SVIL: variants seen among roughly 807,000 people sequenced by gnomAD.
The protein encoded by SVIL is archvillin.
SVIL carries 101 observed loss-of-function variants against 240.4 expected under a neutral mutation model. The ratio of observed to expected loss-of-function variants is 0.42; its 90% confidence interval spans 0.36 to 0.50. SVIL has a LOEUF of 0.50. Among genes scored for constraint, SVIL ranks in the 20% least tolerant of loss-of-function variants. The probability of loss-of-function intolerance (pLI) is 0.01; values close to 1 mark genes in which losing one functional copy is unlikely to be tolerated. For synonymous variants in SVIL, 999 were observed against 1,100.0 expected, an observed-to-expected ratio of 0.91 and a Z score of 1.82; for missense variants, 2,512 against 2,818.7, an observed-to-expected ratio of 0.89 and a Z score of 2.46.
At chr10:29,464,077 C>A (rs866071539) in intron 34 of SVIL, among the ~76,000 whole-genome samples, 41 of 152,204 alleles carry the variant, frequency 2.7e-4, no homozygotes, top group African/African-American at 8.4e-4. Flanking sequence ...GGCGTTCCTG[C>A]CCTGCACGCG....
chr10:29,681,232 T>C (rs1206698767), intron 2 of SVIL, among the ~76,000 whole-genome samples: 1 of 151,790 alleles, frequency 6.6e-6, no homozygotes, highest in African/African-American at 2.4e-5. Flanking sequence ...CCAAAGAGGA[T>C]GGGCAGAAAA....
intron 2 of SVIL, among the ~76,000 whole-genome samples, chr10:29,676,393 T>C (rs1046416399): frequency 1.2e-4 from 18 of 152,066 alleles, no homozygotes; most frequent in African/African-American, 1.4e-4. Context: ...TGTGTGTGTG[T>C]GCGCACACGC....
At chr10:29,603,619 A>G (rs1956897934) in intron 1 of SVIL, among the ~76,000 whole-genome samples, 1 of 152,248 alleles carries the variant, frequency 6.6e-6, no homozygotes, top group South Asian at 2.1e-4. Context: ...AGCTGGCTGG[A>G]TCATGAGGAA....
chr10:29,572,216 T>C (rs1452132140), intron 1 of SVIL, among the ~76,000 whole-genome samples: 2 of 152,196 alleles, frequency 1.3e-5, no homozygotes, highest in Admixed American at 1.3e-4. Flanking sequence ...ACATCAACCC[T>C]GGGTACTAGA....
intron 1 of SVIL, among the ~76,000 whole-genome samples, chr10:29,585,301 A>C (rs1269101263): frequency 6.6e-6 from 1 of 151,868 alleles, no homozygotes; most frequent in Non-Finnish European, 1.5e-5. Flanking sequence ...GGCTCAAGTG[A>C]TCTACCTGCC....
At chr10:29,679,579 G>T (rs1445135843) in intron 2 of SVIL, among the ~76,000 whole-genome samples, 1 of 143,244 alleles carries the variant, frequency 7.0e-6, no homozygotes. Flanking sequence ...TTTGAGATGG[G>T]GGTCCCACTC....
At chr10:29,714,202 T>A (rs1051251826) in intron 1 of SVIL, among the ~76,000 whole-genome samples, 2 of 152,226 alleles carry the variant, frequency 1.3e-5, no homozygotes, top group African/African-American at 4.8e-5. Flanking sequence ...GGGCCATTCC[T>A]TCATTTAGAT....
At chr10:29,732,076 G>A (rs192533996) in intron 1 of SVIL, among the ~76,000 whole-genome samples, 1 of 152,346 alleles carries the variant, frequency 6.6e-6, no homozygotes, top group East Asian at 1.9e-4. Context: ...ATGCACAAAA[G>A]CAGGGATCTT....
At chr10:29,590,318 C>T (rs1262484027) in intron 1 of SVIL, among the ~76,000 whole-genome samples, 1 of 151,978 alleles carries the variant, frequency 6.6e-6, no homozygotes, top group African/African-American at 2.4e-5. Context: ...GTTCCCAGCA[C>T]AAAAGAGCTA....
chr10:29,629,445 C>T (rs1018377288), intron 1 of SVIL, among the ~76,000 whole-genome samples: 2 of 152,136 alleles, frequency 1.3e-5, no homozygotes, highest in African/African-American at 4.8e-5. Context: ...AAGTCCAGTG[C>T]AGACCTACTG....
chr10:29,551,749 A>T (rs538716596), intron 5 of SVIL, among the ~76,000 whole-genome samples: 1 of 150,860 alleles, frequency 6.6e-6, no homozygotes, highest in South Asian at 2.1e-4. Flanking sequence ...ATCATTATTC[A>T]CCAGGCTTTT....
intron 3 of SVIL, among the ~76,000 whole-genome samples, chr10:29,650,130 C>T (rs1026792287): frequency 2.6e-5 from 4 of 152,138 alleles, no homozygotes; most frequent in African/African-American, 9.7e-5. Flanking sequence ...TATGGCAGCA[C>T]GAAGTGGACT....
At chr10:29,622,209 C>T (rs1031388166) in intron 1 of SVIL, among the ~76,000 whole-genome samples, 1 of 136,904 alleles carries the variant, frequency 7.3e-6, no homozygotes, top group African/African-American at 2.8e-5. Context: ...GAGATCGCGC[C>T]ACTGCACTCC....
At chr10:29,686,645 C>A (rs1171585449) in exon 2 of SVIL, 1 of 152,088 alleles carries the variant, frequency 6.6e-6, no homozygotes, top group Non-Finnish European at 1.5e-5. Flanking sequence ...TCCAATGTAG[C>A]CAGAATCTGG....
At chr10:29,698,570 A>G (rs575135078) in intron 1 of SVIL, among the ~76,000 whole-genome samples, 1 of 150,378 alleles carries the variant, frequency 6.6e-6, no homozygotes, top group Non-Finnish European at 1.5e-5. Flanking sequence ...GTTTCAGTGT[A>G]CTGGAAACTT....
chr10:29,493,910 T>C (rs1456079924), intron 20 of SVIL, among the ~76,000 whole-genome samples: 1 of 152,144 alleles, frequency 6.6e-6, no homozygotes, highest in African/African-American at 2.4e-5. Context: ...CATGGTGGCT[T>C]ACGCTTATAA....
rs1950968259 is a variant in SVIL, at chr10:29,527,001, G to A, written c.2302C>T (p.Pro768Ser). Residue 768 changes from proline to serine, a missense_variant, in exon 13 of 38, where the codon CCT becomes TCT. By Grantham distance (74) the Pro-to-Ser change is moderately conservative. Coordinates refer to ENST00000355867, the MANE Select transcript of SVIL (RefSeq NM_021738.3). ...GGTHPVMARL[P>S]SPTVARSAVQ... The stretch of plus-strand genomic sequence containing the variant: ...GCGCTCCTAGCTACAGTGGGGCTAG[G>A]AAGTCTCGCCATTACAGGGTGGGTG... 1.2e-6 allele frequency: 2 copies of A among 1,612,638 alleles called. No individual in the cohort carries two copies. The highest frequency in any genetic ancestry group is 1.7e-6 in the Non-Finnish European group (2 of 1,179,498).
chr10:29,517,250 A>C (rs138295528), intron 16 of SVIL, among the ~76,000 whole-genome samples: 2,687 of 151,922 alleles, frequency 0.018, 92 homozygotes, highest in African/African-American at 0.062. Flanking sequence ...CCGTCTCTAC[A>C]AAAAAATAAA....
At chr10:29,562,421 C>T (rs1954567790) in intron 3 of SVIL, among the ~76,000 whole-genome samples, 2 of 152,232 alleles carry the variant, frequency 1.3e-5, no homozygotes, top group Non-Finnish European at 2.9e-5. Flanking sequence ...ATGATAAAGT[C>T]TGCACGGGCT....
Sources: allele counts gnomAD v4.1 joint callset (sites outside exome capture counted in the v4.1 genomes callset), GRCh38; gene constraint gnomAD v4.1.1; transcripts MANE v1.5; gene names NCBI Gene and HGNC (gene_info 2026-07-23, HGNC 2026-07-21).